Variants in SCARA5 observed in about 807,000 individuals in gnomAD.
The protein encoded by SCARA5 is scavenger receptor class A, member 5 (putative).
SCARA5 carries 45 observed loss-of-function variants against 46.3 expected under a neutral mutation model. The ratio of observed to expected loss-of-function variants is 0.97; its 90% confidence interval spans 0.76 to 1.24. The LOEUF (loss-of-function observed/expected upper bound fraction) is 1.24, where lower values mean the gene tolerates loss of function less well. SCARA5 is among the 50% of genes most tolerant of loss of function. SCARA5 has a pLI of 0.00. For missense variants in SCARA5, 680 were observed against 689.0 expected (o/e 0.99, Z 0.15); for synonymous variants, 333 against 306.5 (o/e 1.09, Z -0.90).
chr8:27,908,340 G>GGTGACA (rs1160992147), intron 5 of SCARA5, among the ~76,000 whole-genome samples: 1 of 152,314 alleles, frequency 6.6e-6, no homozygotes, highest in East Asian at 1.9e-4. Context: ...CACCTCCTGC[G>GGTGACA]GTGACGGTGC....
At chr8:27,984,710 A>G (rs1179204698) in intron 2 of SCARA5, among the ~76,000 whole-genome samples, 2 of 151,784 alleles carry the variant, frequency 1.3e-5, no homozygotes, top group African/African-American at 4.8e-5. Context: ...TCATCCGTCC[A>G]TCCAGCTATC....
chr8:27,938,485 A>G (rs1200943874), intron 3 of SCARA5, among the ~76,000 whole-genome samples: 1 of 152,218 alleles, frequency 6.6e-6, no homozygotes, highest in Non-Finnish European at 1.5e-5. Flanking sequence ...ATAAAACCCT[A>G]TCTGACAAAT....
chr8:27,932,415 C>T (rs77933318), intron 3 of SCARA5, among the ~76,000 whole-genome samples: 56 of 152,318 alleles, frequency 3.7e-4, no homozygotes, highest in African/African-American at 1.3e-3. Context: ...CCAGGGGGAC[C>T]CTGTATTAGT....
intron 4 of SCARA5, among the ~76,000 whole-genome samples, chr8:27,911,121 C>T (rs184786886): frequency 1.0e-3 from 159 of 152,304 alleles, no homozygotes; most frequent in African/African-American, 3.7e-3. Flanking sequence ...CCAACCTCCT[C>T]GTCACTACCA....
chr8:27,947,689 G>A (rs1481311809), intron 3 of SCARA5, among the ~76,000 whole-genome samples: 1 of 150,062 alleles, frequency 6.7e-6, no homozygotes, highest in Non-Finnish European at 1.5e-5. Flanking sequence ...GCCTGAACAT[G>A]GCGAAACCGT....
At chr8:27,901,009 G>T (rs764764898) in intron 7 of SCARA5, among the ~76,000 whole-genome samples, 28 of 151,954 alleles carry the variant, frequency 1.8e-4, no homozygotes, top group Non-Finnish European at 3.8e-4. Context: ...GGTGGGGTGG[G>T]GTTGGGCGAG....
Position 27,904,799 on chromosome 8 carries a change from C to T in SCARA5, c.1132G>A (p.Gly378Arg). Residue 378 changes from glycine to arginine, a missense_variant, in exon 7 of 9, where the codon GGA becomes AGA. Gly to Arg is a moderately radical substitution (Grantham distance 125). Transcript: ENST00000354914. Reference protein sequence around the residue: ...RGPKGEKGEKGDRAGDASGVE... With the variant: ...RGPKGEKGEKRDRAGDASGVE... ...TTACTGGCATCCCCAGCTCTGTCTC[C>T]TTTCTCTCCTTTCTCTCCTTTTGGG... is the stretch of plus-strand genomic sequence containing the variant. 6.2e-7 allele frequency: 1 copy of T among 1,612,516 alleles called. No homozygotes were observed. Among genetic ancestry groups the T allele is most frequent in the Non-Finnish European group, 8.5e-7 (1 of 1,179,300 alleles).
chr8:27,945,922 C>T (rs1808028930), intron 3 of SCARA5, among the ~76,000 whole-genome samples: 1 of 152,194 alleles, frequency 6.6e-6, no homozygotes, highest in South Asian at 2.1e-4. Context: ...CTGGCAAGAC[C>T]GTGGTGAACG....
intron 2 of SCARA5, among the ~76,000 whole-genome samples, chr8:27,981,555 AGTGTACGGCAC>A (rs1250014357): frequency 6.6e-6 from 1 of 152,196 alleles, no homozygotes; most frequent in Non-Finnish European, 1.5e-5. Context: ...AGTAAAGAAC[AGTGTACGGCAC>A]GTGGGGATGG....
chr8:27,947,501 T>C (rs1429681762), intron 3 of SCARA5, among the ~76,000 whole-genome samples: 1 of 152,156 alleles, frequency 6.6e-6, no homozygotes, highest in African/African-American at 2.4e-5. Flanking sequence ...GATGGATGGA[T>C]AAGCAGAATG....
chr8:27,969,526 CG>C (rs1808416933), intron 2 of SCARA5, among the ~76,000 whole-genome samples: 1 of 152,066 alleles, frequency 6.6e-6, no homozygotes, highest in South Asian at 2.1e-4. Context: ...AGGCGGAGCA[CG>C]GGGGATTTTC....
At chr8:27,933,936 T>C (rs928940395) in intron 3 of SCARA5, among the ~76,000 whole-genome samples, 14 of 152,338 alleles carry the variant, frequency 9.2e-5, no homozygotes, top group African/African-American at 3.4e-4. Context: ...GAATTGGGTA[T>C]GCATACGGAT....
intron 8 of SCARA5, 32 bp from the exon 9 acceptor site, chr8:27,872,102 G>C: frequency 6.2e-7 from 1 of 1,612,686 alleles, no homozygotes; most frequent in Non-Finnish European, 8.5e-7. Context: ...GCTATAAGCG[G>C]ATACACAGGA....
intron 7 of SCARA5, among the ~76,000 whole-genome samples, chr8:27,885,146 G>C (rs1275698989): frequency 6.6e-6 from 1 of 152,100 alleles, no homozygotes; most frequent in Non-Finnish European, 1.5e-5. Flanking sequence ...GGGAATGAGA[G>C]GGCAGGTACT....
rs1380806539 is a variant in SCARA5 at position 27,902,808 on chromosome 8, A to G, written c.1153+1970T>C. On this transcript the variant is annotated intron_variant, in intron 7 of 8. Transcript: ENST00000354914. Reference sequence around the variant, plus strand: ...AAAGGGATCAGATCAGGTCTACTAGATGGCCTCATTCAGTCAGACACACCC... The same window carrying G: ...AAAGGGATCAGATCAGGTCTACTAGGTGGCCTCATTCAGTCAGACACACCC... Among the ~76,000 whole-genome samples, 4 of 152,210 alleles carry G rather than the reference A, an allele frequency of 2.6e-5. No homozygotes were observed. In the East Asian group the frequency reaches 7.7e-4, roughly 29 times the overall value.
At chr8:27,914,251 A>G (rs1201457377) in intron 4 of SCARA5, among the ~76,000 whole-genome samples, 1 of 152,206 alleles carries the variant, frequency 6.6e-6, no homozygotes, top group Non-Finnish European at 1.5e-5. Context: ...CTGTGAGTCC[A>G]TTAAACCTCT....
rs1808371339 is a variant in SCARA5, at chr8:27,966,511, G to A, written c.144C>T (p.Cys48=). 1.9e-6 allele frequency: 3 copies of A among 1,613,506 alleles called. No homozygotes were observed. The highest frequency in any genetic ancestry group is 4.5e-5 in the East Asian group (2 of 44,868). Reference sequence around the variant, plus strand: ...CCGACAGGGACCCCAGCTGGGTACAGCAGATGCTTGCCCGCCGTTTGTGAC... The same window carrying A: ...CCGACAGGGACCCCAGCTGGGTACAACAGATGCTTGCCCGCCGTTTGTGAC... The part of the protein sequence containing the change: ...GPCHKRRASI[C]CTQLGSLSAL... The change falls in exon 3 of 9, where the codon TGC becomes TGT. Residue 48 remains cysteine, a synonymous_variant. Coordinates refer to ENST00000354914, the MANE Select transcript of SCARA5 (RefSeq NM_173833.6).
At chr8:27,889,825 A>G (rs1436016790) in intron 7 of SCARA5, among the ~76,000 whole-genome samples, 1 of 152,224 alleles carries the variant, frequency 6.6e-6, no homozygotes, top group Non-Finnish European at 1.5e-5. Flanking sequence ...GATTGCACGC[A>G]GGGGAAGGAT....
chr8:27,944,511 G>T (rs1028240608), intron 3 of SCARA5, among the ~76,000 whole-genome samples: 1 of 151,790 alleles, frequency 6.6e-6, no homozygotes, highest in Non-Finnish European at 1.5e-5. Flanking sequence ...AAAATGAAGG[G>T]TATATAGCAC....
Sources: allele counts gnomAD v4.1 joint callset (sites outside exome capture counted in the v4.1 genomes callset), GRCh38; gene constraint gnomAD v4.1.1; transcripts MANE v1.5; gene names NCBI Gene and HGNC (gene_info 2026-07-23, HGNC 2026-07-21).